The following NUDCD1 variants were observed in gnomAD, a reference collection of about 807,000 sequenced individuals.
NUDCD1 encodes NudC domain containing 1.
A neutral mutation model predicts 67.8 loss-of-function variants in NUDCD1; 60 were observed. That is an observed-to-expected ratio of 0.88 (90% CI 0.72 to 1.10). NUDCD1 has a LOEUF of 1.10. Ranked by LOEUF, NUDCD1 falls within the 50% of genes least tolerant of loss-of-function variation. NUDCD1 has a pLI of 0.00. For synonymous variants in NUDCD1, 244 were observed against 230.8 expected (o/e 1.06, Z -0.52); for missense variants, 643 against 695.0 (o/e 0.93, Z 0.84).
At chr8:109,273,550 T>C (rs1207156517) in intron 7 of NUDCD1, among the ~76,000 whole-genome samples, 1 of 151,696 alleles carries the variant, frequency 6.6e-6, no homozygotes, top group East Asian at 1.9e-4. Context: ...AGGAAGAACA[T>C]AATAAATTTA....
intron 8 of NUDCD1, 72 bp from the exon 9 acceptor site, chr8:109,245,553 T>A (rs749609758): frequency 1.7e-5 from 21 of 1,204,394 alleles, no homozygotes; most frequent in Non-Finnish European, 2.5e-5. Flanking sequence ...TGGCAGAAGC[T>A]GACAGCCAGC....
chr8:109,277,629 G>A (rs944955804), intron 6 of NUDCD1, among the ~76,000 whole-genome samples: 1 of 152,150 alleles, frequency 6.6e-6, no homozygotes, highest in African/African-American at 2.4e-5. Flanking sequence ...ACGCTACATT[G>A]TAGTTATCTT....
chr8:109,293,584 T>A, intron 3 of NUDCD1, 60 bp from the exon 4 acceptor site: 1 of 850,514 alleles, frequency 1.2e-6, no homozygotes, highest in Non-Finnish European at 1.7e-6. Flanking sequence ...ACAGATAGCA[T>A]AGAGGGAATA....
At chr8:109,258,538 T>C (rs1423143617) in intron 8 of NUDCD1, among the ~76,000 whole-genome samples, 1 of 152,112 alleles carries the variant, frequency 6.6e-6, no homozygotes, top group Non-Finnish European at 1.5e-5. Flanking sequence ...TGATAAAAAT[T>C]CTTCCAACTG....
intron 8 of NUDCD1, among the ~76,000 whole-genome samples, chr8:109,269,899 T>C (rs961730038): frequency 6.8e-6 from 1 of 146,456 alleles, no homozygotes; most frequent in Non-Finnish European, 1.5e-5. Context: ...TATTAACTAA[T>C]GGTTAAGGAT....
At chr8:109,309,197 T>C (rs1677381510) in intron 2 of NUDCD1, among the ~76,000 whole-genome samples, 2 of 151,302 alleles carry the variant, frequency 1.3e-5, no homozygotes, top group Non-Finnish European at 2.9e-5. Context: ...TGAACCTAGA[T>C]GCTATAATCC....
chr8:109,250,668 TATC>T (rs1813603128), intron 8 of NUDCD1, among the ~76,000 whole-genome samples: 1 of 152,196 alleles, frequency 6.6e-6, no homozygotes, highest in Non-Finnish European at 1.5e-5. Flanking sequence ...TCAGCATTTT[TATC>T]ATCAACGAAT....
At chr8:109,300,146 A>G (rs1417178365) in intron 2 of NUDCD1, among the ~76,000 whole-genome samples, 1 of 152,184 alleles carries the variant, frequency 6.6e-6, no homozygotes, top group African/African-American at 2.4e-5. Flanking sequence ...CTACCCAAAT[A>G]AGAAGGAATC....
rs547836816 is a variant in NUDCD1 at position 109,263,582 on chromosome 8, A to G, written c.1299+7423T>C. On this transcript the variant is annotated intron_variant, in intron 8 of 9. Transcript: ENST00000239690. Reference sequence around the variant, plus strand: ...TAGCCTGTAAATGGGGTAAAATCTCAGAACCTTCACAGTTCTTGACGTAAC... The same window carrying G: ...TAGCCTGTAAATGGGGTAAAATCTCGGAACCTTCACAGTTCTTGACGTAAC... Among the ~76,000 whole-genome samples the G allele has an allele frequency of 1.1e-3, 169 of 152,326 alleles. 1 individual carries two copies. The highest frequency in any genetic ancestry group is 4.0e-3 in the African/African-American group (165 of 41,576).
At chr8:109,332,771 C>A (rs919639525) in intron 1 of NUDCD1, among the ~76,000 whole-genome samples, 9 of 152,070 alleles carry the variant, frequency 5.9e-5, no homozygotes, top group Non-Finnish European at 1.3e-4. Flanking sequence ...AACACGGTGG[C>A]AAAGAGGAAA....
At chr8:109,296,363 A>T in intron 3 of NUDCD1, 21 bp downstream of exon 3, 1 of 1,598,692 alleles carries the variant, frequency 6.3e-7, no homozygotes, top group Non-Finnish European at 8.6e-7. Flanking sequence ...GACTTCGCAT[A>T]AGTCTTAAAC....
intron 2 of NUDCD1, among the ~76,000 whole-genome samples, chr8:109,321,551 G>A (rs1292131664): frequency 6.6e-6 from 1 of 151,868 alleles, no homozygotes; most frequent in African/African-American, 2.4e-5. Flanking sequence ...AATTCCTCCT[G>A]CAAAAAAGTA....
In NUDCD1 at chr8:109,333,982, C is replaced by G. The variant is rs776556385; in HGVS notation, c.29G>C (p.Arg10Pro). Residue 10 changes from arginine to proline, a missense_variant, in exon 1 of 10, where the codon CGG becomes CCG. Coordinates refer to ENST00000239690, the MANE Select transcript of NUDCD1 (RefSeq NM_032869.4). MEVAANCSL[R>P]VKRPLLDPRF... ...GGGATCCAACAGAGGTCTCTTCACCCGTAGGGAGCAATTAGCCGCCACCTC... is the reference window on the plus strand; with the variant it reads ...GGGATCCAACAGAGGTCTCTTCACCGGTAGGGAGCAATTAGCCGCCACCTC... 1 of 1,614,138 alleles carries G rather than the reference C, an allele frequency of 6.2e-7. No homozygotes were observed. The highest frequency in any genetic ancestry group is 8.5e-7 in the Non-Finnish European group (1 of 1,179,976).
intron 1 of NUDCD1, among the ~76,000 whole-genome samples, chr8:109,333,270 C>T (rs1406652096): frequency 1.3e-5 from 2 of 152,028 alleles, no homozygotes; most frequent in Admixed American, 6.6e-5. Flanking sequence ...AACGAAAATG[C>T]CGTTAAGTTG....
chr8:109,308,926 C>T (rs1815174142), intron 2 of NUDCD1, among the ~76,000 whole-genome samples: 7 of 147,962 alleles, frequency 4.7e-5, no homozygotes, highest in Admixed American at 3.4e-4. Flanking sequence ...GAGCCGAGAT[C>T]GTGCCACTGC....
chr8:109,264,280 G>A (rs2980603), intron 8 of NUDCD1, among the ~76,000 whole-genome samples: 54,813 of 151,960 alleles, frequency 0.36, 10,711 homozygotes, highest in South Asian at 0.5. Context: ...ACTTCAAGGA[G>A]AACACCCAAA....
At chr8:109,245,216 G>T in intron 9 of NUDCD1, 106 bp downstream of exon 9, 2 of 1,051,270 alleles carry the variant, frequency 1.9e-6, no homozygotes, top group Non-Finnish European at 2.7e-6. Context: ...CAATCTAAAT[G>T]TAATCAGGAC....
intron 2 of NUDCD1, among the ~76,000 whole-genome samples, chr8:109,311,559 G>GTGTGTGTATGTATA: frequency 8.0e-6 from 1 of 125,168 alleles, no homozygotes; most frequent in African/African-American, 3.5e-5. Flanking sequence ...AAACTGTGGT[G>GTGTGTGTATGTATA]TATATATATA....
At chr8:109,325,668 A>T (rs941006828) in intron 1 of NUDCD1, among the ~76,000 whole-genome samples, 3 of 152,230 alleles carry the variant, frequency 2.0e-5, no homozygotes, top group African/African-American at 7.2e-5. Flanking sequence ...TGTACAGGAA[A>T]GGTTGCAATA....
Sources: allele counts gnomAD v4.1 joint callset (sites outside exome capture counted in the v4.1 genomes callset), GRCh38; gene constraint gnomAD v4.1.1; transcripts MANE v1.5; gene names NCBI Gene and HGNC (gene_info 2026-07-23, HGNC 2026-07-21).